The following NFASC variants were observed in gnomAD, a reference collection of about 807,000 sequenced individuals.
NFASC encodes the protein neurofascin homolog.
In NFASC, 43 loss-of-function variants were observed where a neutral mutation model predicts 147.5. The ratio of observed to expected loss-of-function variants is 0.29; its 90% CI spans 0.23 to 0.38. NFASC has a LOEUF of 0.38. NFASC is among the 10% of genes least tolerant of loss of function. The probability of loss-of-function intolerance (pLI) is 1.00; values close to 1 mark genes in which losing one functional copy is unlikely to be tolerated. For missense variants in NFASC, 1,320 were observed against 1,689.0 expected (o/e 0.78, Z 3.83); for synonymous variants, 622 against 665.5 (o/e 0.93, Z 1.01).
chr1:204,915,302 A>G (rs6702243), intron 1 of NFASC, among the ~76,000 whole-genome samples: 1 of 151,944 alleles, frequency 6.6e-6, no homozygotes, highest in Non-Finnish European at 1.5e-5. Flanking sequence ...AATAAAAATA[A>G]TAATAACAAG....
intron 1 of NFASC, among the ~76,000 whole-genome samples, chr1:204,906,206 T>C (rs2085820202): frequency 6.6e-6 from 1 of 152,192 alleles, no homozygotes; most frequent in African/African-American, 2.4e-5. Flanking sequence ...CAAATGAGGT[T>C]TACTGAGTTA....
rs1558465561 is a variant in NFASC at position 204,830,009 on chromosome 1, GTGT to G, written c.-200+1228_-200+1230del. On this transcript the variant is annotated intron_variant, in intron 1 of 29. Transcript: ENST00000339876. ...CTTCCTTGGCATTTTGGCATGGGGTGTGTGTGTGTGTGTGTGTGTGTGTGTGTG... is the reference window on the plus strand; with the variant it reads ...CTTCCTTGGCATTTTGGCATGGGGTGGTGTGTGTGTGTGTGTGTGTGTGTG... Among the ~76,000 whole-genome samples, 19 of 18,162 alleles carry G rather than the reference GTGT, an allele frequency of 1.0e-3. No homozygotes were observed. In the Non-Finnish European group the frequency reaches 0.012, roughly 11 times the overall value. 11.9% of individuals were successfully genotyped at this position (18,162 alleles called of 152,430 possible). A position where few individuals can be genotyped will look rare whatever the true frequency, so the allele number is the denominator to read the frequency against.
chr1:204,981,901 C>G lies in NFASC; in HGVS notation c.2351C>G (p.Ser784Cys). The part of the protein sequence containing the change: ...EAWNNVTVWG[S>C]RYVVGQTPVY... ...TGGAACAACGTCACAGTGTGGGGCT[C>G]TCGCTACGTGGTGGGGCAGACCCCA... Residue 784 changes from serine (S) to cysteine (C), a missense_variant, in exon 21 of 30, where the codon TCT becomes TGT. Ser to Cys is a moderately radical substitution (Grantham distance 112). This residue lies in a region of NFASC where 981 missense variants were observed against 1,289.5 expected (regional missense o/e 0.76). Transcript: ENST00000339876. 6.2e-7 allele frequency: 1 copy of G among 1,608,400 alleles called. No homozygotes were observed. The highest frequency in any genetic ancestry group is 8.5e-7 in the Non-Finnish European group (1 of 1,177,498).
At chr1:204,940,445 T>C (rs1293262069) in intron 2 of NFASC, among the ~76,000 whole-genome samples, 1 of 152,208 alleles carries the variant, frequency 6.6e-6, no homozygotes, top group African/African-American at 2.4e-5. Flanking sequence ...AGAGTGAGAT[T>C]CTGTCTCAAA....
intron 21 of NFASC, among the ~76,000 whole-genome samples, chr1:204,982,449 GA>G (rs1177415959): frequency 6.6e-6 from 1 of 152,206 alleles, no homozygotes; most frequent in Admixed American, 6.5e-5. Context: ...ACTTCTGTAG[GA>G]AGCAGGGCAG....
At chr1:204,864,093 A>C (rs1016518897) in intron 1 of NFASC, among the ~76,000 whole-genome samples, 3 of 152,240 alleles carry the variant, frequency 2.0e-5, no homozygotes, top group Non-Finnish European at 4.4e-5. Context: ...TGTCCATTAC[A>C]TTACATATAT....
chr1:204,924,791 A>G (rs796461817), intron 2 of NFASC, among the ~76,000 whole-genome samples: 10 of 152,352 alleles, frequency 6.6e-5, no homozygotes, highest in African/African-American at 2.4e-4. Flanking sequence ...GTGAAACCCC[A>G]TCTTGTCCAA....
At chr1:204,849,256 T>C (rs945015028) in intron 1 of NFASC, among the ~76,000 whole-genome samples, 24 of 152,200 alleles carry the variant, frequency 1.6e-4, no homozygotes, top group Admixed American at 8.5e-4. Flanking sequence ...TGTGAAGTGC[T>C]CACAAGAGTG....
intron 3 of NFASC, chr1:204,946,632 G>T: frequency 2.0e-6 from 1 of 502,412 alleles, no homozygotes; most frequent in Non-Finnish European, 4.0e-6. Context: ...TATGGCCGAG[G>T]CCATCTCCTG....
intron 2 of NFASC, among the ~76,000 whole-genome samples, chr1:204,930,474 T>C (rs2092267647): frequency 6.6e-6 from 1 of 152,200 alleles, no homozygotes; most frequent in Non-Finnish European, 1.5e-5. Flanking sequence ...CTCCCAGTAA[T>C]AGGAAGTATC....
intron 2 of NFASC, among the ~76,000 whole-genome samples, chr1:204,937,878 C>T (rs2093005924): frequency 6.6e-6 from 1 of 152,226 alleles, no homozygotes; most frequent in Non-Finnish European, 1.5e-5. Flanking sequence ...GACTTTGTCT[C>T]TTGTCCATGC....
At chr1:204,837,278 A>G (rs995853362) in intron 1 of NFASC, among the ~76,000 whole-genome samples, 11 of 152,204 alleles carry the variant, frequency 7.2e-5, no homozygotes, top group Admixed American at 4.6e-4. Flanking sequence ...GGGCCTCTAG[A>G]GATGGGTAGG....
At position 204,850,335 on chromosome 1, in the gene NFASC, A is replaced by G. The variant is rs540689828; in HGVS notation, c.-200+21553A>G. Among the ~76,000 whole-genome samples the G allele has an allele frequency of 2.0e-5, 3 of 152,342 alleles. No individual in the cohort carries two copies. The East Asian group carries it at 5.8e-4, about 29-fold the overall frequency. Reference sequence around the variant, plus strand: ...CCCATGTTTTCTTCCTTAATATGGAACAGACTGGACTCTCCTTGTGTATAA... The same window carrying G: ...CCCATGTTTTCTTCCTTAATATGGAGCAGACTGGACTCTCCTTGTGTATAA... On this transcript the variant is annotated intron_variant, in intron 1 of 29. Transcript: ENST00000339876.
Position 204,851,802 on chromosome 1 carries a change from A to G in NFASC, c.-200+23020A>G, listed in dbSNP as rs897305903. Among the ~76,000 whole-genome samples the G allele has an allele frequency of 2.6e-5, 4 of 152,268 alleles. No homozygotes were observed. In the East Asian group the frequency reaches 5.8e-4, roughly 22 times the overall value. ...TCATAGTAAGCTGATCTAAAATTAC[A>G]TATTTTAAAACTTAAAATAATCAAC... On this transcript the variant is annotated intron_variant, in intron 1 of 29. Transcript: ENST00000339876.
At chr1:204,883,924 C>T (rs116106223) in intron 1 of NFASC, among the ~76,000 whole-genome samples, 1,562 of 152,294 alleles carry the variant, frequency 0.01, 29 homozygotes, top group African/African-American at 0.034. Flanking sequence ...TGACACCTAG[C>T]GTGGTGCTCC....
At chr1:204,958,927 T>C (rs970115912) in intron 8 of NFASC, among the ~76,000 whole-genome samples, 1 of 152,098 alleles carries the variant, frequency 6.6e-6, no homozygotes, top group Non-Finnish European at 1.5e-5. Flanking sequence ...TATCGTTCTC[T>C]TCCTTCCTCC....
At chr1:204,887,733 A>C (rs1362394888) in intron 1 of NFASC, among the ~76,000 whole-genome samples, 4 of 151,546 alleles carry the variant, frequency 2.6e-5, no homozygotes, top group African/African-American at 7.3e-5. Flanking sequence ...AGTAGCTGGG[A>C]CCACAGGTGT....
chr1:204,884,447 G>A (rs1434731620), intron 1 of NFASC, among the ~76,000 whole-genome samples: 1 of 152,124 alleles, frequency 6.6e-6, no homozygotes, highest in East Asian at 1.9e-4. Context: ...GAAGGCAGGC[G>A]AGGGAATGGA....
intron 2 of NFASC, among the ~76,000 whole-genome samples, chr1:204,928,444 G>C (rs2802853): frequency 0.51 from 78,127 of 151,956 alleles, 21,813 homozygotes; most frequent in Non-Finnish European, 0.65. Context: ...AAGCTGGGCT[G>C]TAGACCAGGG....
Sources: allele counts gnomAD v4.1 joint callset (sites outside exome capture counted in the v4.1 genomes callset), GRCh38; gene constraint gnomAD v4.1.1; regional missense constraint gnomAD v4.1.1; transcripts MANE v1.5; gene names NCBI Gene and HGNC (gene_info 2026-07-23, HGNC 2026-07-21).